The following PDXDC1 variants were observed in gnomAD, a reference collection of about 807,000 sequenced individuals.
The protein encoded by PDXDC1 is pyridoxal dependent decarboxylase domain containing 1, also known as pyridoxal-dependent decarboxylase domain-containing protein 1.
A neutral mutation model predicts 100.1 loss-of-function variants in PDXDC1; 42 were observed. The ratio of observed to expected loss-of-function variants is 0.42; its 90% CI spans 0.33 to 0.54. The LOEUF is 0.54. Ranked by LOEUF, PDXDC1 falls within the 20% of genes least tolerant of loss-of-function variation. The probability of loss-of-function intolerance (pLI) is 0.10; values close to 1 mark genes in which losing one functional copy is unlikely to be tolerated. For missense variants in PDXDC1, 636 were observed against 979.2 expected (o/e 0.65, Z 4.68); for synonymous variants, 260 against 371.7 (o/e 0.70, Z 3.46).
rs544700875 is a variant in PDXDC1, at chr16:15,048,052, G to A, written c.1399+17996G>A. The A allele has an allele frequency of 5.0e-6, 8 of 1,613,574 alleles. No individual in the cohort carries two copies. In the South Asian group the frequency reaches 8.8e-5, roughly 18 times the overall value. ...TTTGCTGAACATACAGAAGGCCCTG[G>A]GGTCCCACTTGTTGAACAGACTGAC... On this transcript the variant is annotated intron_variant, in intron 16 of 16. Transcript: ENST00000535621.
At chr16:15,071,994 G>A (rs539917436) in intron 16 of PDXDC1, among the ~76,000 whole-genome samples, 1 of 152,218 alleles carries the variant, frequency 6.6e-6, no homozygotes, top group South Asian at 2.1e-4. Flanking sequence ...ACTCAACCAC[G>A]AACAGAAATA....
chr16:15,043,998 A>T (rs1309312481), intron 16 of PDXDC1, among the ~76,000 whole-genome samples: 1 of 152,172 alleles, frequency 6.6e-6, no homozygotes, highest in Non-Finnish European at 1.5e-5. Flanking sequence ...AAATGGTATC[A>T]TCAGTGTTTT....
chr16:14,996,180 T>C (rs539579570), intron 1 of PDXDC1, among the ~76,000 whole-genome samples: 5 of 152,388 alleles, frequency 3.3e-5, no homozygotes, highest in African/African-American at 1.2e-4. Flanking sequence ...CTGGACTAGA[T>C]CCCTTAGGTC....
At chr16:15,038,723 A>C, downstream of PDXDC1, 1 of 1,196,802 alleles carries the variant, frequency 8.4e-7, no homozygotes, top group Non-Finnish European at 1.2e-6. Context: ...AATTTCAGGA[A>C]TGTCACCCAC....
intron 16 of PDXDC1, among the ~76,000 whole-genome samples, chr16:15,097,009 G>T (rs928344115): frequency 1.3e-5 from 2 of 152,130 alleles, no homozygotes; most frequent in African/African-American, 4.8e-5. Context: ...CACCTGTAAT[G>T]CCAGAGCTTT....
intron 16 of PDXDC1, chr16:15,131,381 C>T: frequency 6.3e-7 from 1 of 1,593,942 alleles, no homozygotes; most frequent in African/African-American, 1.3e-5. Context: ...GGATTGGAGT[C>T]CACCAGAAAG....
At chr16:15,063,542 A>G (rs1356838505) in intron 16 of PDXDC1, among the ~76,000 whole-genome samples, 2 of 151,908 alleles carry the variant, frequency 1.3e-5, no homozygotes, top group Admixed American at 6.6e-5. Context: ...CCCCATCTCT[A>G]CTAAAAATAC....
chr16:14,983,959 T>C (rs1314117585), intron 1 of PDXDC1, among the ~76,000 whole-genome samples: 8 of 152,194 alleles, frequency 5.3e-5, no homozygotes, highest in African/African-American at 1.9e-4. Context: ...GCCCAGGAGT[T>C]TGAGGGCAGC....
At chr16:15,136,199 C>T (rs1249729512) in intron 16 of PDXDC1, 5 of 706,050 alleles carry the variant, frequency 7.1e-6, no homozygotes, top group Admixed American at 4.9e-5. Context: ...CACAGCAGCC[C>T]GCTGGGAGCC....
Position 15,060,023 on chromosome 16 carries a change from T to C in PDXDC1, c.1399+29967T>C, listed in dbSNP as rs141126550. On this transcript the variant is annotated intron_variant, in intron 16 of 16. Transcript: ENST00000535621. ...AAAAAAAAAAAAACAAAACAGAAAT[T>C]GAAAGAACATGTATTGAGGTACCTT... 5.2e-4 allele frequency: 89 copies of C among 169,644 alleles called. 1 individual carries two copies. The East Asian group carries it at 0.013, about 25-fold the overall frequency. 10.5% of individuals were successfully genotyped at this position (169,644 alleles called of 1,614,324 possible). A position where few individuals can be genotyped will look rare whatever the true frequency, so the allele number is the denominator to read the frequency against.
At chr16:15,080,007 G>C in intron 16 of PDXDC1, 4 of 1,594,724 alleles carry the variant, frequency 2.5e-6, no homozygotes, top group Non-Finnish European at 3.4e-6. Context: ...CATCCAACTT[G>C]AGTAGTTTTT....
chr16:15,132,902 G>A (rs1305423442), intron 16 of PDXDC1: 16 of 1,590,274 alleles, frequency 1.0e-5, no homozygotes, highest in Non-Finnish European at 1.4e-5. Context: ...ACAGCAAGCT[G>A]TCAGCAGGGC....
chr16:15,019,833 C>T (rs1449784428), intron 12 of PDXDC1, among the ~76,000 whole-genome samples: 1 of 152,286 alleles, frequency 6.6e-6, no homozygotes, highest in Non-Finnish European at 1.5e-5. Context: ...AAAAAACAGG[C>T]TGGGCATGGT....
chr16:15,128,248 C>T (rs756218302), intron 16 of PDXDC1: 1 of 1,611,338 alleles, frequency 6.2e-7, no homozygotes, highest in Non-Finnish European at 8.5e-7. Context: ...TCGGATCTTC[C>T]ACACGCTACC....
chr16:15,144,151 C>A (rs1321437136), downstream of PDXDC1, among the ~76,000 whole-genome samples: 1 of 152,168 alleles, frequency 6.6e-6, no homozygotes. Flanking sequence ...CCGTCCCTCC[C>A]GAGAGCAGGC....
intron 13 of PDXDC1, among the ~76,000 whole-genome samples, chr16:15,024,437 C>T (rs556798053): frequency 3.9e-4 from 56 of 145,172 alleles, no homozygotes; most frequent in African/African-American, 1.3e-3. Context: ...GACAGAGTCT[C>T]ACTATGTAGC....
chr16:15,131,607 G>T, intron 16 of PDXDC1: 1 of 1,602,824 alleles, frequency 6.2e-7, no homozygotes, highest in East Asian at 2.2e-5. Context: ...CAGAGGTCAG[G>T]TTGTAGGCCT....
At chr16:15,027,545 A>G (rs1328912263) in intron 14 of PDXDC1, among the ~76,000 whole-genome samples, 2 of 152,286 alleles carry the variant, frequency 1.3e-5, no homozygotes, top group Admixed American at 6.5e-5. Context: ...GGCTTGGAGA[A>G]TGAGTGCAAG....
downstream of PDXDC1, among the ~76,000 whole-genome samples, chr16:15,143,382 C>G (rs866618031): frequency 7.2e-5 from 11 of 152,338 alleles, no homozygotes; most frequent in Admixed American, 3.9e-4. Context: ...GGTGGGGCCA[C>G]GTCCCAGGGC....
Sources: gnomAD v4.1 joint callset for allele counts (sites outside exome capture counted in the v4.1 genomes callset) on GRCh38, gnomAD v4.1.1 for gene constraint, MANE v1.5 for transcripts, NCBI Gene and HGNC (gene_info 2026-07-23, HGNC 2026-07-21) for gene names.